FAM184A: variants seen among roughly 807,000 people sequenced by gnomAD.
FAM184A encodes protein FAM184A.
FAM184A carries 99 observed loss-of-function variants against 143.8 expected under a neutral mutation model. The ratio of observed to expected loss-of-function variants is 0.69; its 90% CI spans 0.58 to 0.81. FAM184A has a LOEUF of 0.81. Among genes scored for constraint, FAM184A ranks in the 40% least tolerant of loss-of-function variants. FAM184A has a pLI of 0.00. For synonymous variants in FAM184A, 427 were observed against 446.4 expected (o/e 0.96, Z 0.55); for missense variants, 1,217 against 1,310.5 (o/e 0.93, Z 1.10).
In FAM184A at chr6:119,078,106, G is replaced by A; in HGVS notation, c.159+35C>T. 3 of 1,554,164 alleles carry A rather than the reference G, an allele frequency of 1.9e-6. No individual in the cohort carries two copies. Among genetic ancestry groups the A allele is most frequent in the Non-Finnish European group, 2.6e-6 (3 of 1,154,398 alleles). Reference sequence around the variant, plus strand: ...CAGGTGAGTCCGGCGCGGCCCGCACGGGGTCGCCACCTGCCCCGTCGCTGC... The same window carrying A: ...CAGGTGAGTCCGGCGCGGCCCGCACAGGGTCGCCACCTGCCCCGTCGCTGC... On this transcript the variant is annotated intron_variant, in intron 1 of 17. Transcript: ENST00000338891. The surrounding 1 kb of genome is among the most constrained non-coding windows in gnomAD (Gnocchi z 5.5).
intron 1 of FAM184A, among the ~76,000 whole-genome samples, chr6:119,051,023 G>GA (rs1194078281): frequency 1.3e-5 from 2 of 152,128 alleles, no homozygotes; most frequent in East Asian, 1.9e-4. Context: ...GAAAGGAGCA[G>GA]AAAAAATAAC....
At chr6:119,125,492 C>T (rs763279660) in intron 1 of FAM184A, among the ~76,000 whole-genome samples, 4 of 152,260 alleles carry the variant, frequency 2.6e-5, no homozygotes, top group Admixed American at 6.5e-5. Flanking sequence ...AGGCTGGTCT[C>T]GAACTCCTGA....
intron 11 of FAM184A, 27 bp from the exon 12 acceptor site, chr6:118,976,071 T>G: frequency 6.2e-7 from 1 of 1,600,938 alleles, no homozygotes; most frequent in Non-Finnish European, 8.5e-7. Flanking sequence ...AAAATACATT[T>G]GGCACATTTA....
chr6:119,145,546 T>A (rs527316325), intron 1 of FAM184A, among the ~76,000 whole-genome samples: 1 of 152,126 alleles, frequency 6.6e-6, no homozygotes, highest in African/African-American at 2.4e-5. Flanking sequence ...GTTGATACAC[T>A]TAGGTTCACT....
chr6:119,130,576 G>C (rs1048364203), intron 1 of FAM184A, among the ~76,000 whole-genome samples: 5 of 152,162 alleles, frequency 3.3e-5, no homozygotes, highest in African/African-American at 1.2e-4. Flanking sequence ...GTGTATGTTA[G>C]ATAGCCCAAG....
In FAM184A at chr6:119,052,000, C is replaced by T. The variant is rs552258503; in HGVS notation, c.159+26141G>A. On this transcript the variant is annotated intron_variant, in intron 1 of 17. Transcript: ENST00000338891. Reference sequence around the variant, plus strand: ...CAGACAGCAGTATCTATGTATGAGACTCAGGTCCTGAGCTGGGGTGCAGAC... The same window carrying T: ...CAGACAGCAGTATCTATGTATGAGATTCAGGTCCTGAGCTGGGGTGCAGAC... Among the ~76,000 whole-genome samples the T allele has an allele frequency of 2.4e-4, 37 of 152,294 alleles. No homozygotes were observed. The South Asian group carries it at 7.5e-3, about 31-fold the overall frequency.
rs1783966144 is a variant in FAM184A at position 118,979,863 on chromosome 6, C to CGA, written c.2301+273_2301+274dup. Among the ~76,000 whole-genome samples, 4 of 149,348 alleles carry CGA rather than the reference C, an allele frequency of 2.7e-5. No homozygotes were observed. The South Asian group carries it at 8.6e-4, about 32-fold the overall frequency. ...TTCAAGACCAGCCTGGGCAACATAGCGAGACCCTGTTTCTACAAAAAAAAA... is the reference window on the plus strand; with the variant it reads ...TTCAAGACCAGCCTGGGCAACATAGCGAGAGACCCTGTTTCTACAAAAAAAAA... On this transcript the variant is annotated intron_variant, in intron 10 of 17. Transcript: ENST00000338891.
intron 1 of FAM184A, among the ~76,000 whole-genome samples, chr6:119,132,917 T>C (rs1426384513): frequency 6.6e-6 from 1 of 152,200 alleles, no homozygotes; most frequent in African/African-American, 2.4e-5. Flanking sequence ...CCCATAATTT[T>C]AATCAACTCT....
At chr6:119,039,010 A>G (rs1223288914) in intron 1 of FAM184A, among the ~76,000 whole-genome samples, 2 of 152,230 alleles carry the variant, frequency 1.3e-5, no homozygotes, top group Non-Finnish European at 2.9e-5. Flanking sequence ...ATCTCAATAA[A>G]TACCTCACCA....
intron 1 of FAM184A, among the ~76,000 whole-genome samples, chr6:119,137,629 T>A (rs1432354529): frequency 1.3e-5 from 2 of 152,204 alleles, no homozygotes; most frequent in African/African-American, 4.8e-5. Context: ...TTTGATAATC[T>A]TCTCATTCTT....
chr6:118,967,426 C>T (rs1783534323), intron 14 of FAM184A, among the ~76,000 whole-genome samples: 1 of 152,092 alleles, frequency 6.6e-6, no homozygotes, highest in Non-Finnish European at 1.5e-5. Flanking sequence ...AAACAAAGGA[C>T]ACACATGTAT....
chr6:119,006,467 C>T lies in FAM184A; in HGVS notation c.1795G>A (p.Asp599Asn), dbSNP rs17827619. Reference protein sequence around the residue: ...LTKDSLKETKDALLNVEGELE... With the variant: ...LTKDSLKETKNALLNVEGELE... ...ATTACCTCCACATTTAATAGAGCAT[C>T]CTTGGTCTCCTTTAGGCTGTCTTTA... The change falls in exon 7 of 18, where the codon GAT becomes AAT. Residue 599 changes from aspartate to asparagine, a missense_variant. Asp to Asn is a conservative substitution (Grantham distance 23, BLOSUM62 1). Transcript: ENST00000338891. The T allele has an allele frequency of 0.12, 199,651 of 1,611,396 alleles. 13,047 individuals are homozygous for T. Among genetic ancestry groups the T allele is most frequent in the South Asian group, 0.14 (12,300 of 90,342 alleles).
chr6:119,057,214 T>G (rs1787012858), intron 1 of FAM184A, among the ~76,000 whole-genome samples: 1 of 152,224 alleles, frequency 6.6e-6, no homozygotes, highest in African/African-American at 2.4e-5. Flanking sequence ...TCCAATGGCC[T>G]TGAAATTATG....
intron 9 of FAM184A, among the ~76,000 whole-genome samples, chr6:118,984,141 A>C: frequency 8.7e-6 from 1 of 114,768 alleles, no homozygotes; most frequent in Non-Finnish European, 1.8e-5. Context: ...TGATAACGAA[A>C]CTCCATTTAA....
At chr6:119,023,891 C>T (rs1450106390) in intron 2 of FAM184A, 68 bp downstream of exon 2, 9 of 1,435,306 alleles carry the variant, frequency 6.3e-6, no homozygotes, top group Non-Finnish European at 8.3e-6. Flanking sequence ...GACTGCTCTC[C>T]AGCCTACAAA....
chr6:119,061,201 G>A (rs796600981), intron 1 of FAM184A, among the ~76,000 whole-genome samples: 11 of 152,290 alleles, frequency 7.2e-5, no homozygotes, highest in African/African-American at 2.4e-4. Context: ...CCTCAAGGAG[G>A]AATAGTTTAC....
rs763784178 is a variant in FAM184A at position 118,964,751 on chromosome 6, C to T, written c.3054G>A (p.Gln1018=). 3.8e-6 allele frequency: 6 copies of T among 1,593,424 alleles called. No individual in the cohort carries two copies. In the South Asian group the frequency reaches 6.7e-5, roughly 18 times the overall value. Residue 1018 remains glutamine (Q), a synonymous_variant, in exon 16 of 18, where the codon CAG becomes CAA. Transcript: ENST00000338891. ...KKLIEDNKFY[Q]LELVNRETNF... is the part of the protein sequence containing the mutation. Reference sequence around the variant, plus strand: ...TAGTTTCTCGATTGACTAATTCCAGCTGATAAAACTTATTATCCTCCTATG... The same window carrying T: ...TAGTTTCTCGATTGACTAATTCCAGTTGATAAAACTTATTATCCTCCTATG...
At chr6:119,128,505 G>C (rs970291718) in intron 1 of FAM184A, among the ~76,000 whole-genome samples, 1 of 152,098 alleles carries the variant, frequency 6.6e-6, no homozygotes, top group Non-Finnish European at 1.5e-5. Flanking sequence ...ATTAAGCAGG[G>C]GCTCTGTGCC....
chr6:119,061,707 A>T (rs2114769104), intron 1 of FAM184A, among the ~76,000 whole-genome samples: 1 of 151,962 alleles, frequency 6.6e-6, no homozygotes, highest in Non-Finnish European at 1.5e-5. Flanking sequence ...GTGGCTGCAG[A>T]GAAGTTTGTT....
Sources: gnomAD v4.1 joint callset for allele counts (sites outside exome capture counted in the v4.1 genomes callset) on GRCh38, gnomAD v4.1.1 for gene constraint, Gnocchi (gnomAD v3.1) non-coding constraint, MANE v1.5 for transcripts, NCBI Gene and HGNC (gene_info 2026-07-23, HGNC 2026-07-21) for gene names.